ANKFN1: variants seen among roughly 807,000 people sequenced by gnomAD.
ANKFN1 encodes ankyrin repeat and fibronectin type III domain containing 1, also known as ankyrin repeat and fibronectin type-III domain-containing protein 1.
Under a neutral mutation model 108.7 loss-of-function variants are expected in ANKFN1, and 74 were observed. That is an observed-to-expected ratio of 0.68 (90% CI 0.56 to 0.83). The LOEUF (loss-of-function observed/expected upper bound fraction) is 0.83. Among genes scored for constraint, ANKFN1 ranks in the 40% least tolerant of loss-of-function variants. ANKFN1 has a pLI of 0.00. For synonymous variants in ANKFN1, 547 were observed against 516.2 expected, an observed-to-expected ratio of 1.06 and a Z score of -0.81; for missense variants, 1,505 against 1,382.3, an observed-to-expected ratio of 1.09 and a Z score of -1.41.
At chr17:56,196,469 C>T (rs1913517093) in intron 1 of ANKFN1, among the ~76,000 whole-genome samples, 1 of 152,080 alleles carries the variant, frequency 6.6e-6, no homozygotes, top group Admixed American at 6.6e-5. Context: ...CGTGGTGGCT[C>T]ACATCTGTAA....
At chr17:56,404,263 A>G (rs1005951629) in intron 8 of ANKFN1, among the ~76,000 whole-genome samples, 1 of 152,158 alleles carries the variant, frequency 6.6e-6, no homozygotes, top group African/African-American at 2.4e-5. Context: ...ATGTTTTCCA[A>G]GCATTTAGGA....
intron 1 of ANKFN1, among the ~76,000 whole-genome samples, chr17:56,211,547 CCA>C (rs1915007993): frequency 6.6e-6 from 1 of 152,094 alleles, no homozygotes; most frequent in South Asian, 2.1e-4. Flanking sequence ...TGTAATATCT[CCA>C]GACTTGTTCT....
At chr17:56,390,194 C>T (rs564509894) in intron 8 of ANKFN1, among the ~76,000 whole-genome samples, 1 of 152,104 alleles carries the variant, frequency 6.6e-6, no homozygotes, top group Admixed American at 6.5e-5. Flanking sequence ...CTCTCCCTCC[C>T]CTTGCCCCCC....
chr17:56,401,717 C>A (rs2047772290), intron 8 of ANKFN1, among the ~76,000 whole-genome samples: 1 of 151,386 alleles, frequency 6.6e-6, no homozygotes, highest in Non-Finnish European at 1.5e-5. Context: ...GGTACCAATT[C>A]TTCTTTGAAT....
chr17:56,344,342 T>A (rs1014447463), intron 4 of ANKFN1, among the ~76,000 whole-genome samples: 10 of 152,054 alleles, frequency 6.6e-5, no homozygotes, highest in Admixed American at 5.9e-4. Flanking sequence ...TGAACAGAGA[T>A]TTCCTTAAAT....
intron 11 of ANKFN1, among the ~76,000 whole-genome samples, chr17:56,452,449 A>G (rs940411008): frequency 3.2e-4 from 48 of 152,298 alleles, no homozygotes; most frequent in African/African-American, 8.4e-4. Context: ...CCAAACCTTT[A>G]TCTCTCCCTC....
chr17:56,444,298 A>G (rs1439051995), intron 10 of ANKFN1, among the ~76,000 whole-genome samples: 2 of 152,232 alleles, frequency 1.3e-5, no homozygotes, highest in Non-Finnish European at 2.9e-5. Flanking sequence ...TTCACCTAAC[A>G]TTCAACTGTA....
At chr17:56,485,498 G>A (rs755080717) in intron 18 of ANKFN1, among the ~76,000 whole-genome samples, 1 of 152,204 alleles carries the variant, frequency 6.6e-6, no homozygotes, top group Non-Finnish European at 1.5e-5. Context: ...AGAGAGTCAT[G>A]GGAGCTAGAC....
chr17:56,317,213 C>T (rs1268954528), intron 3 of ANKFN1, among the ~76,000 whole-genome samples: 2 of 152,088 alleles, frequency 1.3e-5, no homozygotes, highest in Non-Finnish European at 2.9e-5. Flanking sequence ...AGCATGACCC[C>T]CTCACTTAGA....
chr17:56,141,652 CA>C (rs771604639), intron 4 of ANKFN1, among the ~76,000 whole-genome samples: 1 of 151,964 alleles, frequency 6.6e-6, no homozygotes, highest in Admixed American at 6.6e-5. Flanking sequence ...GGATCATTCG[CA>C]AAAACTCATC....
At chr17:56,453,646 G>A (rs938591377) in intron 11 of ANKFN1, among the ~76,000 whole-genome samples, 1 of 152,120 alleles carries the variant, frequency 6.6e-6, no homozygotes, top group Non-Finnish European at 1.5e-5. Flanking sequence ...CCTTCTTTCT[G>A]TATTGCATGG....
chr17:56,195,673 A>T (rs144386841), intron 1 of ANKFN1, among the ~76,000 whole-genome samples: 5 of 152,064 alleles, frequency 3.3e-5, no homozygotes, highest in Non-Finnish European at 5.9e-5. Flanking sequence ...CATCAAGTAA[A>T]CTCTCAAGGG....
At chr17:56,451,416 A>T (rs2049482610) in intron 11 of ANKFN1, among the ~76,000 whole-genome samples, 1 of 152,222 alleles carries the variant, frequency 6.6e-6, no homozygotes, top group Non-Finnish European at 1.5e-5. Flanking sequence ...GGATAAATGA[A>T]GAATAAGTAT....
intron 2 of ANKFN1, among the ~76,000 whole-genome samples, chr17:56,215,484 A>T (rs1300453181): frequency 6.6e-6 from 1 of 152,242 alleles, no homozygotes; most frequent in African/African-American, 2.4e-5. Flanking sequence ...CAGAAAACAC[A>T]ATGAAAGGGA....
At chr17:56,108,879 T>C (rs989209556) in intron 4 of ANKFN1, among the ~76,000 whole-genome samples, 1 of 152,224 alleles carries the variant, frequency 6.6e-6, no homozygotes, top group Non-Finnish European at 1.5e-5. Flanking sequence ...AGCAAACAGG[T>C]ATCAGATAAA....
At chr17:56,480,319 T>TA (rs1458356670) in intron 16 of ANKFN1, among the ~76,000 whole-genome samples, 1 of 152,184 alleles carries the variant, frequency 6.6e-6, no homozygotes, top group African/African-American at 2.4e-5. Flanking sequence ...GCCCCTGTGG[T>TA]AAAACGTAGG....
intron 4 of ANKFN1, among the ~76,000 whole-genome samples, chr17:56,112,928 A>G (rs1360587608): frequency 6.6e-6 from 1 of 152,030 alleles, no homozygotes; most frequent in African/African-American, 2.4e-5. Context: ...CATGTAATTG[A>G]TGTGTGTATG....
At chr17:56,253,479 C>G (rs1365049704) in intron 3 of ANKFN1, among the ~76,000 whole-genome samples, 1 of 152,148 alleles carries the variant, frequency 6.6e-6, no homozygotes, top group Non-Finnish European at 1.5e-5. Context: ...GGTTCACACC[C>G]ATAATCCCAG....
At chr17:56,098,896 T>A (rs539334623) in intron 4 of ANKFN1, among the ~76,000 whole-genome samples, 24 of 150,522 alleles carry the variant, frequency 1.6e-4, no homozygotes, top group Non-Finnish European at 3.2e-4. Flanking sequence ...GGGTGCTAGA[T>A]AAAAGGAAGA....
Sources: gnomAD v4.1 joint callset for allele counts (sites outside exome capture counted in the v4.1 genomes callset) on GRCh38, gnomAD v4.1.1 for gene constraint, MANE v1.5 for transcripts, NCBI Gene and HGNC (gene_info 2026-07-23, HGNC 2026-07-21) for gene names.